HS6ST3: variants seen among roughly 807,000 people sequenced by gnomAD.
The protein encoded by HS6ST3 is heparan-sulfate 6-O-sulfotransferase 3.
HS6ST3 carries 12 observed loss-of-function variants against 36.7 expected under a neutral mutation model. The ratio of observed to expected loss-of-function variants is 0.33; its 90% CI spans 0.21 to 0.53. The LOEUF is 0.53. HS6ST3 is among the 20% of genes least tolerant of loss of function. The pLI, the probability that HS6ST3 is intolerant of heterozygous loss-of-function variation, is 0.95. For synonymous variants in HS6ST3, 240 were observed against 257.5 expected (o/e 0.93, Z 0.65); for missense variants, 584 against 640.9 (o/e 0.91, Z 0.96).
chr13:96,117,932 T>G (rs2053901612), intron 1 of HS6ST3, among the ~76,000 whole-genome samples: 1 of 151,916 alleles, frequency 6.6e-6, no homozygotes, highest in Admixed American at 6.6e-5. Flanking sequence ...TGCGGTGGCC[T>G]GATCTCGGCT....
At chr13:96,293,319 G>A (rs2054839071) in intron 1 of HS6ST3, among the ~76,000 whole-genome samples, 1 of 151,960 alleles carries the variant, frequency 6.6e-6, no homozygotes, top group Non-Finnish European at 1.5e-5. Context: ...TTCAGAATAA[G>A]GGCCATAAGT....
chr13:96,540,518 C>G (rs2056173693), intron 1 of HS6ST3, among the ~76,000 whole-genome samples: 1 of 152,134 alleles, frequency 6.6e-6, no homozygotes, highest in Non-Finnish European at 1.5e-5. Context: ...CAACCCTCCT[C>G]CCAACCACTC....
At chr13:96,584,260 C>T (rs1329374141) in intron 1 of HS6ST3, among the ~76,000 whole-genome samples, 1 of 152,158 alleles carries the variant, frequency 6.6e-6, no homozygotes, top group African/African-American at 2.4e-5. Flanking sequence ...TCTCCTGCCT[C>T]ACCCTCCCAA....
intron 1 of HS6ST3, among the ~76,000 whole-genome samples, chr13:96,657,704 T>C (rs955745404): frequency 6.6e-6 from 1 of 152,082 alleles, no homozygotes; most frequent in Non-Finnish European, 1.5e-5. Flanking sequence ...ATACCAGAAA[T>C]ACTCAATGAG....
At chr13:96,158,103 A>G (rs993508406) in intron 1 of HS6ST3, among the ~76,000 whole-genome samples, 1 of 152,180 alleles carries the variant, frequency 6.6e-6, no homozygotes, top group Non-Finnish European at 1.5e-5. Context: ...GTGACACTTG[A>G]GTGGCCATCT....
At chr13:96,652,293 T>C (rs1196268648) in intron 1 of HS6ST3, among the ~76,000 whole-genome samples, 2 of 152,050 alleles carry the variant, frequency 1.3e-5, no homozygotes, top group Non-Finnish European at 2.9e-5. Context: ...CATATGAATG[T>C]GTTTTTTATG....
intron 1 of HS6ST3, among the ~76,000 whole-genome samples, chr13:96,694,135 G>A (rs625319): frequency 2.0e-5 from 3 of 152,146 alleles, no homozygotes; most frequent in East Asian, 1.9e-4. Context: ...AGCCTAGTAC[G>A]TATTAGTTAT....
At chr13:96,377,344 C>G (rs1410364009) in intron 1 of HS6ST3, among the ~76,000 whole-genome samples, 2 of 151,628 alleles carry the variant, frequency 1.3e-5, no homozygotes, top group Admixed American at 6.6e-5. Flanking sequence ...CAGAGAAAGA[C>G]CCTGTCTCAA....
chr13:96,500,830 T>C (rs1288372291), intron 1 of HS6ST3, among the ~76,000 whole-genome samples: 2 of 152,352 alleles, frequency 1.3e-5, no homozygotes, highest in African/African-American at 4.8e-5. Context: ...TAAAATGTAA[T>C]GCTCTAATAA....
intron 1 of HS6ST3, among the ~76,000 whole-genome samples, chr13:96,541,778 G>A (rs2056178871): frequency 6.6e-6 from 1 of 152,094 alleles, no homozygotes; most frequent in African/African-American, 2.4e-5. Context: ...GTATGCCATG[G>A]CTTGCAACTA....
intron 1 of HS6ST3, among the ~76,000 whole-genome samples, chr13:96,567,901 G>C (rs1053568442): frequency 2.6e-5 from 4 of 152,192 alleles, no homozygotes; most frequent in Admixed American, 2.6e-4. Context: ...TTGAGAGTCA[G>C]GGAAGCGCAT....
chr13:96,490,930 A>G lies in HS6ST3; in HGVS notation c.708-341560A>G, dbSNP rs1303875649. ...TCTGGATGGCTTGAGCAAGCCACCT[A>G]TGGCGAACCACGCAAGAACCTTTTC... On this transcript the variant is annotated intron_variant, in intron 1 of 1. Coordinates refer to ENST00000376705, the MANE Select transcript of HS6ST3 (RefSeq NM_153456.4). Among the ~76,000 whole-genome samples, 3 of 152,238 alleles carry G rather than the reference A, an allele frequency of 2.0e-5. No individual in the cohort carries two copies. In the South Asian group the frequency reaches 6.2e-4, roughly 31 times the overall value.
chr13:96,824,490 G>C (rs1033984650), intron 1 of HS6ST3, among the ~76,000 whole-genome samples: 1 of 152,108 alleles, frequency 6.6e-6, no homozygotes, highest in Non-Finnish European at 1.5e-5. Flanking sequence ...AGGCCTTTTC[G>C]TAGCTGTGTC....
intron 1 of HS6ST3, among the ~76,000 whole-genome samples, chr13:96,405,065 T>G (rs1404941730): frequency 6.6e-6 from 1 of 152,210 alleles, no homozygotes; most frequent in Non-Finnish European, 1.5e-5. Context: ...TGTGAGGCCT[T>G]CCCAGCCAAG....
chr13:96,379,538 A>G (rs115188383), intron 1 of HS6ST3, among the ~76,000 whole-genome samples: 65 of 152,326 alleles, frequency 4.3e-4, no homozygotes, highest in African/African-American at 1.5e-3. Flanking sequence ...AAACTACCCA[A>G]TCTATGGGTA....
At chr13:96,455,230 G>A (rs1265193485) in intron 1 of HS6ST3, among the ~76,000 whole-genome samples, 1 of 152,064 alleles carries the variant, frequency 6.6e-6, no homozygotes, top group African/African-American at 2.4e-5. Flanking sequence ...GGTTGTTGTT[G>A]TTGTCGTTGT....
chr13:96,831,767 C>T (rs966261470), intron 1 of HS6ST3, among the ~76,000 whole-genome samples: 2 of 151,812 alleles, frequency 1.3e-5, no homozygotes, highest in African/African-American at 4.8e-5. Context: ...CTAGCCTGGC[C>T]AACATGATGA....
At chr13:96,799,060 C>G (rs898183147) in intron 1 of HS6ST3, among the ~76,000 whole-genome samples, 13 of 152,072 alleles carry the variant, frequency 8.5e-5, no homozygotes, top group Admixed American at 8.5e-4. Context: ...TTTAAAGGCC[C>G]TATCTCCATA....
At chr13:96,330,126 CTCTT>C (rs2055057346) in intron 1 of HS6ST3, among the ~76,000 whole-genome samples, 1 of 137,882 alleles carries the variant, frequency 7.3e-6, no homozygotes, top group Admixed American at 7.2e-5. Context: ...TGGGTCTTGA[CTCTT>C]TATCCAATTT....
Sources: gnomAD v4.1 joint callset for allele counts (sites outside exome capture counted in the v4.1 genomes callset) on GRCh38, gnomAD v4.1.1 for gene constraint, MANE v1.5 for transcripts, NCBI Gene and HGNC (gene_info 2026-07-23, HGNC 2026-07-21) for gene names.